NMBR: variants seen among roughly 807,000 people sequenced by gnomAD.
NMBR encodes the protein neuromedin-B receptor.
A neutral mutation model predicts 20.5 loss-of-function variants in NMBR; 16 were observed. The observed-to-expected ratio is 0.78, with a 90% CI of 0.53 to 1.19. NMBR has a LOEUF of 1.19. NMBR is among the 50% of genes most tolerant of loss of function. The pLI, the probability that NMBR is intolerant of heterozygous loss-of-function variation, is 0.00. For missense variants in NMBR, 582 were observed against 499.1 expected, an observed-to-expected ratio of 1.17 and a Z score of -1.58; for synonymous variants, 212 against 196.6, an observed-to-expected ratio of 1.08 and a Z score of -0.65.
intron 1 of NMBR, among the ~76,000 whole-genome samples, chr6:142,095,246 T>A (rs2114574553): frequency 6.6e-6 from 1 of 152,268 alleles, no homozygotes; most frequent in African/African-American, 2.4e-5. Context: ...TTAAAGGGAA[T>A]GCTTCCGGTT....
chr6:142,076,007 C>A lies in NMBR; in HGVS notation c.814G>T (p.Val272Leu). ...AACCAACAGAAGATGAAACAGCCCA[C>A]AAAGACAAGCACAATTTTAGCCAGG... ...KRLAKIVLVFVGCFIFCWFPN... is the reference protein window; with the variant it reads ...KRLAKIVLVFLGCFIFCWFPN... Residue 272 changes from valine (V) to leucine (L), a missense_variant, in exon 4 of 4, where the codon GTG (valine) becomes TTG (leucine). Transcript: ENST00000258042. 6.2e-7 allele frequency: 1 copy of A among 1,605,916 alleles called. No individual in the cohort carries two copies. The highest frequency in any genetic ancestry group is 8.5e-7 in the Non-Finnish European group (1 of 1,177,000).
chr6:142,134,685 G>C (rs547675373), intron 1 of NMBR: 21 of 695,436 alleles, frequency 3.0e-5, no homozygotes, highest in Non-Finnish European at 5.0e-5. Flanking sequence ...TTAGTCTAGC[G>C]GCAATAGCAT....
At chr6:142,132,611 G>A (rs225605) in intron 1 of NMBR, among the ~76,000 whole-genome samples, 59,390 of 151,898 alleles carry the variant, frequency 0.39, 12,234 homozygotes, top group Middle Eastern at 0.53. Flanking sequence ...CAATTTCTTA[G>A]GATTTCCCAG....
intron 2 of NMBR, among the ~76,000 whole-genome samples, chr6:142,086,345 A>G (rs2114563923): frequency 6.6e-6 from 1 of 152,328 alleles, no homozygotes; most frequent in Admixed American, 6.5e-5. Flanking sequence ...AGCACAATTA[A>G]TCCTACAATT....
chr6:142,119,697 A>G (rs1777912204), intron 1 of NMBR, among the ~76,000 whole-genome samples: 2 of 152,088 alleles, frequency 1.3e-5, no homozygotes, highest in Admixed American at 1.3e-4. Flanking sequence ...TTACTGTTAC[A>G]GACGGAAAAT....
chr6:142,075,999 A>G lies in NMBR; in HGVS notation c.822T>C (p.Cys274=), dbSNP rs1371832577. 6.2e-7 allele frequency: 1 copy of G among 1,609,688 alleles called. No individual in the cohort carries two copies. Among genetic ancestry groups the G allele is most frequent in the South Asian group, 1.1e-5 (1 of 89,974 alleles). ...LAKIVLVFVG[C]FIFCWFPNHI... ...GGTTTGGAAACCAACAGAAGATGAA[A>G]CAGCCCACAAAGACAAGCACAATTT... The change falls in exon 4 of 4, where the codon TGT becomes TGC. Residue 274 remains cysteine, a synonymous_variant. Coordinates refer to ENST00000258042, the MANE Select transcript of NMBR (RefSeq NM_002511.4).
intron 1 of NMBR, among the ~76,000 whole-genome samples, chr6:142,102,494 C>T (rs1470408533): frequency 6.6e-6 from 1 of 151,492 alleles, no homozygotes; most frequent in Non-Finnish European, 1.5e-5. Context: ...CCATGGGAAA[C>T]AAGAAGTACA....
intron 1 of NMBR, among the ~76,000 whole-genome samples, chr6:142,115,397 CAT>C (rs1190733498): frequency 6.6e-6 from 1 of 151,938 alleles, no homozygotes; most frequent in Non-Finnish European, 1.5e-5. Context: ...TTGGCTGAAG[CAT>C]AGATTTTCTA....
intron 1 of NMBR, among the ~76,000 whole-genome samples, chr6:142,098,470 C>A (rs1777501152): frequency 6.6e-6 from 1 of 152,000 alleles, no homozygotes; most frequent in Admixed American, 6.6e-5. Context: ...TAATAAGTAA[C>A]CATGGAGAGG....
chr6:142,086,088 A>G (rs1027439151), intron 2 of NMBR, among the ~76,000 whole-genome samples: 1 of 151,978 alleles, frequency 6.6e-6, no homozygotes, highest in Admixed American at 6.5e-5. Context: ...CTGGTAAATA[A>G]AAAATACTAT....
chr6:142,115,154 T>C (rs557871450), intron 1 of NMBR, among the ~76,000 whole-genome samples: 1 of 152,244 alleles, frequency 6.6e-6, no homozygotes, highest in East Asian at 1.9e-4. Context: ...AGTGACCTCA[T>C]ATTAGCCTGT....
chr6:142,080,789 C>T (rs1777078091), intron 2 of NMBR, among the ~76,000 whole-genome samples: 1 of 151,990 alleles, frequency 6.6e-6, no homozygotes, highest in Non-Finnish European at 1.5e-5. Flanking sequence ...TGGAAGAAGA[C>T]AAGGAAAGGG....
At chr6:142,091,588 C>T (rs1777324443) in intron 1 of NMBR, among the ~76,000 whole-genome samples, 1 of 152,098 alleles carries the variant, frequency 6.6e-6, no homozygotes, top group African/African-American at 2.4e-5. Context: ...GACTCATATA[C>T]TTAATGTTTA....
At chr6:142,084,862 A>G (rs1582837972) in intron 2 of NMBR, among the ~76,000 whole-genome samples, 1 of 152,170 alleles carries the variant, frequency 6.6e-6, no homozygotes, top group Admixed American at 6.6e-5. Flanking sequence ...GTCACAGCAC[A>G]CACGTCCCAA....
In NMBR at chr6:142,074,622, A is replaced by G; in HGVS notation, c.*1026T>C. 6.6e-6 allele frequency among the ~76,000 whole-genome samples: 1 copy of G among 152,156 alleles called. No homozygotes were observed. Among genetic ancestry groups the G allele is most frequent in the East Asian group, 1.9e-4 (1 of 5,192 alleles). ...GTGGTATCATGCAGGAAAAGCAGAA[A>G]AAAATTGCCTAAGTGTGATCCCACA... On this transcript the variant is annotated 3_prime_UTR_variant, in exon 4 of 4. Transcript: ENST00000258042.
Position 142,088,512 on chromosome 6 carries a change from G to A in NMBR, c.147C>T (p.Leu49=). 6.2e-7 allele frequency: 1 copy of A among 1,614,060 alleles called. No homozygotes were observed. Among genetic ancestry groups the A allele is most frequent in the Non-Finnish European group, 8.5e-7 (1 of 1,180,000 alleles). The stretch of plus-strand genomic sequence containing the variant: ...AGCCCACGGTGATGATGAGCAGGTA[G>A]AGGGACGGGATCACACAGCGGATCA... The part of the protein sequence containing the change: ...ELVIRCVIPS[L]YLLIITVGLL... Residue 49 remains leucine, a synonymous_variant, in exon 2 of 4, where the codon CTC becomes CTT. Transcript: ENST00000258042.
chr6:142,136,002 T>A (rs1778248163), intron 1 of NMBR, among the ~76,000 whole-genome samples: 1 of 152,166 alleles, frequency 6.6e-6, no homozygotes, highest in Non-Finnish European at 1.5e-5. Flanking sequence ...GTCCTTTGGG[T>A]ATATACCCAG....
chr6:142,078,033 T>C (rs1282269089), intron 3 of NMBR, among the ~76,000 whole-genome samples: 1 of 152,178 alleles, frequency 6.6e-6, no homozygotes, highest in Non-Finnish European at 1.5e-5. Context: ...AGCCCACCTT[T>C]GGATTGCACC....
At chr6:142,116,009 G>C (rs1299875533) in intron 1 of NMBR, among the ~76,000 whole-genome samples, 1 of 151,880 alleles carries the variant, frequency 6.6e-6, no homozygotes, top group Non-Finnish European at 1.5e-5. Context: ...TAGTGAATTA[G>C]TCTCATGAGA....
Sources: gnomAD v4.1 joint callset for allele counts (sites outside exome capture counted in the v4.1 genomes callset) on GRCh38, gnomAD v4.1.1 for gene constraint, MANE v1.5 for transcripts, NCBI Gene and HGNC (gene_info 2026-07-23, HGNC 2026-07-21) for gene names.